DOP1B: variants seen among roughly 807,000 people sequenced by gnomAD.
The protein encoded by DOP1B is protein DOP1B.
DOP1B carries 174 observed loss-of-function variants against 233.5 expected under a neutral mutation model. The ratio of observed to expected loss-of-function variants is 0.75; its 90% CI spans 0.66 to 0.85. The LOEUF (loss-of-function observed/expected upper bound fraction) is 0.85, where lower values mean the gene tolerates loss of function less well. DOP1B is among the 40% of genes least tolerant of loss of function. The pLI is 0.00. For missense variants in DOP1B, 2,652 were observed against 2,846.6 expected (o/e 0.93, Z 1.56); for synonymous variants, 1,190 against 1,185.6 (o/e 1.00, Z -0.08).
intron 21 of DOP1B, among the ~76,000 whole-genome samples, chr21:36,250,094 A>G (rs2067015218): frequency 1.3e-5 from 2 of 152,022 alleles, no homozygotes; most frequent in South Asian, 4.1e-4. Flanking sequence ...ATTACGATAA[A>G]GGCCGATGCT....
intron 6 of DOP1B, 105 bp downstream of exon 6, chr21:36,211,756 C>T: frequency 1.5e-6 from 2 of 1,344,982 alleles, no homozygotes; most frequent in Non-Finnish European, 2.1e-6. Context: ...CACTCATGGG[C>T]ATTATTTGCT....
intron 2 of DOP1B, among the ~76,000 whole-genome samples, chr21:36,185,510 C>T (rs11909343): frequency 0.029 from 4,449 of 152,262 alleles, 208 homozygotes; most frequent in African/African-American, 0.1. Flanking sequence ...TGCCACTCAG[C>T]CTCTTCTACT....
At chr21:36,171,664 G>A (rs758264570) in intron 2 of DOP1B, among the ~76,000 whole-genome samples, 3 of 152,182 alleles carry the variant, frequency 2.0e-5, no homozygotes, top group Non-Finnish European at 4.4e-5. Context: ...GGAGAGGCAC[G>A]GGACAGATTG....
chr21:36,254,333 G>C (rs999729080), intron 23 of DOP1B, among the ~76,000 whole-genome samples: 1 of 152,158 alleles, frequency 6.6e-6, no homozygotes, highest in African/African-American at 2.4e-5. Flanking sequence ...TAACCACTGC[G>C]GTAAGGGAAA....
At chr21:36,169,618 G>A (rs17814038) in intron 2 of DOP1B, 49,307 of 944,080 alleles carry the variant, frequency 0.052, 1,577 homozygotes, top group Non-Finnish European at 0.062. Context: ...CAGCCATGGT[G>A]CCTCCGTTCA....
At chr21:36,253,504 G>A (rs555418034) in intron 22 of DOP1B, among the ~76,000 whole-genome samples, 10 of 152,120 alleles carry the variant, frequency 6.6e-5, no homozygotes, top group Non-Finnish European at 1.2e-4. Flanking sequence ...ACCTGAGGTC[G>A]GGAGTTTGAG....
At chr21:36,260,853 C>T in intron 24 of DOP1B, 121 bp downstream of exon 24, 1 of 1,530,872 alleles carries the variant, frequency 6.5e-7, no homozygotes, top group Non-Finnish European at 8.7e-7. Flanking sequence ...CAGAAAATAT[C>T]TTAAAGTTGT....
At chr21:36,164,519 CG>C (rs1251435659) in intron 1 of DOP1B, 188 bp from the exon 2 acceptor site, 1 of 351,392 alleles carries the variant, frequency 2.8e-6, no homozygotes, top group African/African-American at 2.1e-5. Context: ...TCCACGAGGG[CG>C]GGAACTATTT....
intron 21 of DOP1B, among the ~76,000 whole-genome samples, chr21:36,250,481 G>T (rs1370152154): frequency 6.6e-6 from 1 of 152,154 alleles, no homozygotes; most frequent in East Asian, 1.9e-4. Context: ...CCTGACCTGG[G>T]GTTCCTGAGG....
In DOP1B at chr21:36,201,345, CTTTTTTTT is replaced by C. The variant is rs1172730528; in HGVS notation, c.491+857_491+864del. 1.4e-3 allele frequency among the ~76,000 whole-genome samples: 114 copies of C among 83,262 alleles called. 1 individual carries two copies. Among genetic ancestry groups the C allele is most frequent in the Admixed American group, 3.1e-3 (19 of 6,214 alleles). 54.6% of individuals were successfully genotyped at this position (83,262 alleles called of 152,430 possible). On this transcript the variant is annotated intron_variant, in intron 4 of 36. Coordinates refer to ENST00000691173, the MANE Select transcript of DOP1B (RefSeq NM_001320714.2). ...TCTATTCCACTGTATCTATTGGATTCTTTTTTTTTTTTTTTTTTTTGAGACAGAGTCTT... is the reference window on the plus strand; with the variant it reads ...TCTATTCCACTGTATCTATTGGATTCTTTTTTTTTTTTGAGACAGAGTCTT...
rs1282854000 is a variant in DOP1B at position 36,245,845 on chromosome 21, C to T, written c.3865C>T (p.Leu1289Phe). The T allele has an allele frequency of 1.2e-6, 2 of 1,613,924 alleles. No individual in the cohort carries two copies. The highest frequency in any genetic ancestry group is 3.3e-5 in the Admixed American group (2 of 60,004). Residue 1289 changes from leucine (L) to phenylalanine (F), a missense_variant, in exon 19 of 37, where the codon CTC (leucine) becomes TTC (phenylalanine). Coordinates refer to ENST00000691173, the MANE Select transcript of DOP1B (RefSeq NM_001320714.2). The surrounding 1 kb of genome is among the most constrained non-coding windows in gnomAD (Gnocchi z 5.5). The part of the protein sequence containing the change: ...SNLLARHQEA[L>F]IGQSFYGKLQ... ...CCTCCTCGCTCGCCACCAGGAGGCC[C>T]TCATTGGCCAGAGTTTCTACGGAAA...
chr21:36,223,228 C>T lies in DOP1B; in HGVS notation c.1251-3C>T, dbSNP rs1273145033. 6.3e-7 allele frequency: 1 copy of T among 1,590,204 alleles called. No homozygotes were observed. The highest frequency in any genetic ancestry group is 1.2e-5 in the South Asian group (1 of 85,756). On this transcript the variant is annotated splice_region_variant and splice_polypyrimidine_tract_variant and intron_variant, in intron 10 of 36. Coordinates refer to ENST00000691173, the MANE Select transcript of DOP1B (RefSeq NM_001320714.2). ...TATTTATTCATGTCCTCCCCTTTTA[C>T]AGTGCAATCAAGGAAAACAGAAATG...
intron 2 of DOP1B, among the ~76,000 whole-genome samples, chr21:36,167,271 C>G (rs1380619842): frequency 6.6e-6 from 1 of 152,162 alleles, no homozygotes; most frequent in East Asian, 1.9e-4. Context: ...CTCCCAGGTT[C>G]AAGCGATTCT....
At chr21:36,191,753 T>G (rs2123454406) in intron 2 of DOP1B, among the ~76,000 whole-genome samples, 1 of 150,098 alleles carries the variant, frequency 6.7e-6, no homozygotes, top group African/African-American at 2.5e-5. Context: ...ACCACTGCAC[T>G]CCAGCCTGGC....
At chr21:36,172,184 T>TGCTC (rs1474983967) in intron 2 of DOP1B, among the ~76,000 whole-genome samples, 1 of 152,076 alleles carries the variant, frequency 6.6e-6, no homozygotes, top group African/African-American at 2.4e-5. Context: ...GATAGGATTT[T>TGCTC]GCTCTGGCGG....
intron 18 of DOP1B, among the ~76,000 whole-genome samples, chr21:36,241,693 C>CTTTTTTTTTTTTTT (rs58454212): frequency 9.5e-6 from 1 of 105,550 alleles, no homozygotes; most frequent in Non-Finnish European, 1.8e-5. Context: ...TTCTTTCTTT[C>CTTTTTTTTTTTTTT]TTTTTTTTTT....
intron 2 of DOP1B, among the ~76,000 whole-genome samples, chr21:36,174,349 G>C (rs147180867): frequency 1.3e-5 from 2 of 152,158 alleles, no homozygotes; most frequent in Admixed American, 6.6e-5. Context: ...TTAGCCGGGC[G>C]TGATGGCAGG....
Position 36,269,016 on chromosome 21 carries a change from A to G in DOP1B, c.5488-997A>G, listed in dbSNP as rs576503520. Among the ~76,000 whole-genome samples, 277 of 152,232 alleles carry G rather than the reference A, an allele frequency of 1.8e-3. 1 individual carries two copies. Among genetic ancestry groups the G allele is most frequent in the Non-Finnish European group, 2.6e-3 (179 of 68,016 alleles). ...TACACTCCAGCCTGGTTGACAGAGC[A>G]AGACCCTGTCCTGCCCACCACCTCC... On this transcript the variant is annotated intron_variant, in intron 26 of 36. Coordinates refer to ENST00000691173, the MANE Select transcript of DOP1B (RefSeq NM_001320714.2).
rs1359356387 is a variant in DOP1B, at chr21:36,246,477, G to A, written c.4497G>A (p.Leu1499=). ...QPHPLTSQGL[L]VSAVVRGLQP... Reference sequence around the variant, plus strand: ...ACCCCCTCACCTCCCAGGGTCTTCTGGTCTCTGCGGTGGTGAGGGGTCTGC... The same window carrying A: ...ACCCCCTCACCTCCCAGGGTCTTCTAGTCTCTGCGGTGGTGAGGGGTCTGC... The change falls in exon 19 of 37, where the codon CTG becomes CTA. Residue 1499 remains leucine, a synonymous_variant. Transcript: ENST00000691173. This position sits in a 1 kb window ranked among gnomAD's most constrained non-coding sequence, Gnocchi z 5.1. 6.2e-7 allele frequency: 1 copy of A among 1,614,070 alleles called. No homozygotes were observed. Among genetic ancestry groups the A allele is most frequent in the East Asian group, 2.2e-5 (1 of 44,878 alleles).
Sources: allele counts gnomAD v4.1 joint callset (sites outside exome capture counted in the v4.1 genomes callset), GRCh38; gene constraint gnomAD v4.1.1; non-coding constraint Gnocchi (gnomAD v3.1); transcripts MANE v1.5; gene names NCBI Gene and HGNC (gene_info 2026-07-23, HGNC 2026-07-21).